TMTC2: variants seen among roughly 807,000 people sequenced by gnomAD.
The protein encoded by TMTC2 is protein O-mannosyl-transferase TMTC2.
In TMTC2, 43 loss-of-function variants were observed where a neutral mutation model predicts 82.4. The ratio of observed to expected loss-of-function variants is 0.52; its 90% CI spans 0.41 to 0.67. The LOEUF (loss-of-function observed/expected upper bound fraction) is 0.67. Among genes scored for constraint, TMTC2 ranks in the 30% least tolerant of loss-of-function variants. TMTC2 has a pLI of 0.00. For missense variants in TMTC2, 919 were observed against 1,012.4 expected, an observed-to-expected ratio of 0.91 and a Z score of 1.25; for synonymous variants, 408 against 381.9, an observed-to-expected ratio of 1.07 and a Z score of -0.80.
At chr12:82,743,564 C>T (rs1006282195) in intron 1 of TMTC2, among the ~76,000 whole-genome samples, 1 of 152,038 alleles carries the variant, frequency 6.6e-6, no homozygotes, top group Non-Finnish European at 1.5e-5. Context: ...CATTGTTTCC[C>T]ACAACCCACC....
intron 7 of TMTC2, among the ~76,000 whole-genome samples, chr12:82,968,425 T>A (rs144485395): frequency 0.016 from 2,439 of 152,300 alleles, 28 homozygotes; most frequent in South Asian, 0.047. Context: ...TTAACTTTTT[T>A]ATTTTAATGG....
Position 82,946,759 on chromosome 12 carries a change from T to TC in TMTC2, c.1598+16214_1598+16215insC, listed in dbSNP as rs1236060389. Among the ~76,000 whole-genome samples the TC allele has an allele frequency of 2.3e-4, 35 of 150,044 alleles. 2 individuals are homozygous for TC. In the South Asian group the frequency reaches 7.0e-3, roughly 30 times the overall value. Reference sequence around the variant, plus strand: ...ACTTTTCTTTTCTTTTTTTTTTTTTTGAGACAGAGTCTTGCTCTGTCGCCC... The same window carrying TC: ...ACTTTTCTTTTCTTTTTTTTTTTTTTCGAGACAGAGTCTTGCTCTGTCGCCC... On this transcript the variant is annotated intron_variant, in intron 4 of 11. Transcript: ENST00000321196.
rs572253767 is a variant in TMTC2, at chr12:82,728,778, C to T, written c.83+41109C>T. On this transcript the variant is annotated intron_variant, in intron 1 of 11. Transcript: ENST00000321196. ...TTGCGGGGAGGTGTGGAGGCAGAGG[C>T]GTGGGCAGGAACTGGGGCTGCACGC... 1.8e-4 allele frequency among the ~76,000 whole-genome samples: 27 copies of T among 152,330 alleles called. No individual in the cohort carries two copies. The South Asian group carries it at 3.3e-3, about 19-fold the overall frequency.
intron 3 of TMTC2, among the ~76,000 whole-genome samples, chr12:82,907,576 C>T (rs1874392783): frequency 6.6e-6 from 1 of 152,000 alleles, no homozygotes; most frequent in African/African-American, 2.4e-5. Context: ...ATCCAGACCA[C>T]AACAGACTCA....
chr12:82,863,042 G>A (rs1871628389), intron 2 of TMTC2, among the ~76,000 whole-genome samples: 1 of 152,140 alleles, frequency 6.6e-6, no homozygotes, highest in Non-Finnish European at 1.5e-5. Flanking sequence ...TTTGCATATT[G>A]AATCCACATG....
chr12:82,896,049 A>G lies in TMTC2; in HGVS notation c.886A>G (p.Met296Val). Residue 296 changes from methionine (M) to valine (V), a missense_variant, in exon 3 of 12, where the codon ATG (methionine) becomes GTG (valine). Physicochemically the swap from Met to Val is conservative, Grantham distance 21. Coordinates refer to ENST00000321196, the MANE Select transcript of TMTC2 (RefSeq NM_152588.3). ...AGATACCCTCAGTTTTGATTGGTCA[A>G]TGGATGCTGTGCCTCTGCTCAAAAC... is the stretch of plus-strand genomic sequence containing the variant. ...CPDTLSFDWS[M>V]DAVPLLKTVC... 1.2e-6 allele frequency: 2 copies of G among 1,614,010 alleles called. No homozygotes were observed. The highest frequency in any genetic ancestry group is 1.7e-6 in the Non-Finnish European group (2 of 1,180,008).
Position 83,102,815 on chromosome 12 carries a change from C to T in TMTC2, c.2332-29395C>T, listed in dbSNP as rs375668805. 1.1e-4 allele frequency among the ~76,000 whole-genome samples: 17 copies of T among 152,316 alleles called. 1 individual carries two copies. The highest frequency in any genetic ancestry group is 3.4e-4 in the African/African-American group (14 of 41,566). On this transcript the variant is annotated intron_variant, in intron 11 of 11. Transcript: ENST00000321196. Reference sequence around the variant, plus strand: ...CCCAGTAACTTAGAACTGTGATGTACTCAGGAGGCAGTTCCGTAATTGTCA... The same window carrying T: ...CCCAGTAACTTAGAACTGTGATGTATTCAGGAGGCAGTTCCGTAATTGTCA...
rs1876339618 is a variant in TMTC2, at chr12:82,756,584, A to G, written c.83+68915A>G. Among the ~76,000 whole-genome samples the G allele has an allele frequency of 1.3e-5, 2 of 152,232 alleles. 1 individual carries two copies. The highest frequency in any genetic ancestry group is 4.1e-4 in the South Asian group (2 of 4,826). On this transcript the variant is annotated intron_variant, in intron 1 of 11. Coordinates refer to ENST00000321196, the MANE Select transcript of TMTC2 (RefSeq NM_152588.3). The stretch of plus-strand genomic sequence containing the variant: ...TTTGAATAATTAGCATCAGCAGAGT[A>G]TCCTGAATAGTGATTAGATATAAAC...
chr12:82,858,221 C>T (rs1380417146), intron 2 of TMTC2, among the ~76,000 whole-genome samples: 1 of 152,202 alleles, frequency 6.6e-6, no homozygotes, highest in African/African-American at 2.4e-5. Context: ...GTATCCAGTA[C>T]AAAGTTGTTT....
At chr12:82,975,724 G>A (rs1191032254) in intron 7 of TMTC2, among the ~76,000 whole-genome samples, 1 of 92,232 alleles carries the variant, frequency 1.1e-5, no homozygotes, top group African/African-American at 3.8e-5. Flanking sequence ...TCTGTGTGGA[G>A]TTGAAAAGGC....
chr12:82,815,304 A>ATTT (rs1868634698), intron 1 of TMTC2, among the ~76,000 whole-genome samples: 1 of 143,264 alleles, frequency 7.0e-6, no homozygotes, highest in African/African-American at 2.7e-5. Flanking sequence ...TTAATTAATT[A>ATTT]ATTAATTATT....
chr12:82,743,731 G>A (rs896562084), intron 1 of TMTC2, among the ~76,000 whole-genome samples: 3 of 152,048 alleles, frequency 2.0e-5, no homozygotes, highest in African/African-American at 7.3e-5. Flanking sequence ...CAAATCTAAT[G>A]CAAGCCCTGT....
intron 1 of TMTC2, among the ~76,000 whole-genome samples, chr12:82,763,168 C>A (rs906151133): frequency 7.0e-6 from 1 of 143,506 alleles, no homozygotes; most frequent in African/African-American, 2.6e-5. Flanking sequence ...CAAAGTTAAA[C>A]AGATATTCAA....
At chr12:82,915,226 A>G (rs904962795) in intron 3 of TMTC2, among the ~76,000 whole-genome samples, 23 of 152,214 alleles carry the variant, frequency 1.5e-4, no homozygotes, top group African/African-American at 5.5e-4. Flanking sequence ...GGTATTGATT[A>G]TAACTCATTT....
At chr12:82,907,564 A>G (rs997687932) in intron 3 of TMTC2, among the ~76,000 whole-genome samples, 3 of 152,098 alleles carry the variant, frequency 2.0e-5, no homozygotes, top group African/African-American at 7.2e-5. Context: ...GCAGGAAAAA[A>G]AATCCAGACC....
chr12:82,975,695 A>G (rs1001127253), intron 7 of TMTC2, among the ~76,000 whole-genome samples: 2 of 151,890 alleles, frequency 1.3e-5, no homozygotes, highest in African/African-American at 4.8e-5. Flanking sequence ...AGTACACATG[A>G]AATGTATTCC....
At chr12:82,739,381 A>G (rs967163048) in intron 1 of TMTC2, among the ~76,000 whole-genome samples, 2 of 151,990 alleles carry the variant, frequency 1.3e-5, no homozygotes, top group African/African-American at 4.8e-5. Context: ...GGTGGAGAAG[A>G]GATATGTGTA....
At chr12:82,959,654 C>A (rs1330058101) in intron 4 of TMTC2, among the ~76,000 whole-genome samples, 1 of 151,972 alleles carries the variant, frequency 6.6e-6, no homozygotes, top group Non-Finnish European at 1.5e-5. Context: ...CTCCTTTTCA[C>A]CATATATAAA....
intron 1 of TMTC2, among the ~76,000 whole-genome samples, chr12:82,816,794 A>G (rs934994963): frequency 7.9e-5 from 12 of 152,140 alleles, no homozygotes; most frequent in Non-Finnish European, 1.5e-5. Context: ...GAAAAATTCA[A>G]AAAGATTCTA....
Sources: allele counts gnomAD v4.1 joint callset (sites outside exome capture counted in the v4.1 genomes callset), GRCh38; gene constraint gnomAD v4.1.1; transcripts MANE v1.5; gene names NCBI Gene and HGNC (gene_info 2026-07-23, HGNC 2026-07-21).